SLC26A8: variants seen among roughly 807,000 people sequenced by gnomAD.
SLC26A8 encodes solute carrier family 26 member 8.
A neutral mutation model predicts 105.0 loss-of-function variants in SLC26A8; 70 were observed. That is an observed-to-expected ratio of 0.67 (90% CI 0.55 to 0.81). The LOEUF (loss-of-function observed/expected upper bound fraction) is 0.81, where lower values mean the gene tolerates loss of function less well. Among genes scored for constraint, SLC26A8 ranks in the 40% least tolerant of loss-of-function variants. SLC26A8 has a pLI of 0.00. For synonymous variants in SLC26A8, 415 were observed against 438.3 expected, an observed-to-expected ratio of 0.95 and a Z score of 0.66; for missense variants, 998 against 1,181.8, an observed-to-expected ratio of 0.84 and a Z score of 2.28.
chr6:35,992,813 C>G (rs1463819159), intron 5 of SLC26A8, 139 bp from the exon 6 acceptor site: 3 of 832,038 alleles, frequency 3.6e-6, no homozygotes, highest in East Asian at 2.7e-5. Context: ...ACTCTCTTTC[C>G]CTAATGAACA....
intron 1 of SLC26A8, among the ~76,000 whole-genome samples, chr6:36,022,249 G>A (rs1762145285): frequency 6.6e-6 from 1 of 152,244 alleles, no homozygotes; most frequent in African/African-American, 2.4e-5. Context: ...TTACAGGCGT[G>A]AGCCACTGCG....
At chr6:35,948,386 C>T (rs1308059651) in intron 19 of SLC26A8, among the ~76,000 whole-genome samples, 1 of 151,938 alleles carries the variant, frequency 6.6e-6, no homozygotes, top group Non-Finnish European at 1.5e-5. Context: ...GTCAGGAGTT[C>T]GAGACCAGCC....
intron 1 of SLC26A8, among the ~76,000 whole-genome samples, chr6:36,021,000 C>T (rs1049326089): frequency 1.1e-4 from 16 of 152,290 alleles, no homozygotes; most frequent in South Asian, 2.1e-4. Context: ...GATTTCTTCA[C>T]GAGTTATGTC....
intron 14 of SLC26A8, 47 bp downstream of exon 14, chr6:35,960,796 C>T (rs779783686): frequency 5.7e-6 from 9 of 1,575,852 alleles, no homozygotes; most frequent in Non-Finnish European, 7.8e-6. Context: ...GAGGTGGGGC[C>T]CACTCTATCC....
rs754263412 is a variant in SLC26A8, at chr6:36,019,646, A to T, written c.62T>A (p.Phe21Tyr). ...GFSSKSRRNS[F>Y]AYDVKREVYN... ...TACTTCACGCTTAACATCATATGCG[A>T]ATGAGTTTCGCCTGGACTTAGAGCT... Residue 21 changes from phenylalanine (F) to tyrosine (Y), a missense_variant, in exon 2 of 20, where the codon TTC (phenylalanine) becomes TAC (tyrosine). By Grantham distance (22) the Phe-to-Tyr change is conservative. Coordinates refer to ENST00000490799, the MANE Select transcript of SLC26A8 (RefSeq NM_052961.4). The T allele has an allele frequency of 6.8e-6, 11 of 1,614,172 alleles. No individual in the cohort carries two copies. In the South Asian group the frequency reaches 1.2e-4, roughly 18 times the overall value.
intron 19 of SLC26A8, 96 bp downstream of exon 19, chr6:35,951,067 A>T: frequency 8.2e-7 from 1 of 1,219,802 alleles, no homozygotes; most frequent in East Asian, 2.4e-5. Context: ...CTATCTGATC[A>T]GGAATCCTGA....
At chr6:36,004,890 T>C (rs1761642724) in intron 3 of SLC26A8, among the ~76,000 whole-genome samples, 1 of 149,912 alleles carries the variant, frequency 6.7e-6, no homozygotes, top group African/African-American at 2.5e-5. Flanking sequence ...GGTCTTGAAC[T>C]CCTGAGCTCA....
At chr6:35,976,299 C>T (rs1459579922) in intron 9 of SLC26A8, among the ~76,000 whole-genome samples, 1 of 151,704 alleles carries the variant, frequency 6.6e-6, no homozygotes, top group African/African-American at 2.4e-5. Flanking sequence ...TGGTGAGCAT[C>T]TGTAATCCCA....
At chr6:36,007,417 G>A (rs1761721730) in intron 3 of SLC26A8, among the ~76,000 whole-genome samples, 1 of 152,102 alleles carries the variant, frequency 6.6e-6, no homozygotes, top group Non-Finnish European at 1.5e-5. Flanking sequence ...TCTCTATGCT[G>A]AAAACTACAA....
rs1773255255 is a variant in SLC26A8 at position 35,981,268 on chromosome 6, G to A, written c.1025+853C>T. ...GTAGGAATTATAATGTAAATTGATT[G>A]TGAGTCCTTAAGAACTCCATATGCC... On this transcript the variant is annotated intron_variant, in intron 8 of 19. Transcript: ENST00000490799. The surrounding 1 kb of genome is among the most constrained non-coding windows in gnomAD (Gnocchi z 4.0). 6.6e-6 allele frequency among the ~76,000 whole-genome samples: 1 copy of A among 152,134 alleles called. No individual in the cohort carries two copies. The highest frequency in any genetic ancestry group is 1.5e-5 in the Non-Finnish European group (1 of 68,026).
intron 8 of SLC26A8, among the ~76,000 whole-genome samples, chr6:35,978,654 G>T (rs904824387): frequency 2.6e-5 from 4 of 151,962 alleles, no homozygotes; most frequent in Non-Finnish European, 5.9e-5. Context: ...TATCTTAAAA[G>T]AAATTTTGTG....
At chr6:36,012,518 C>T in intron 2 of SLC26A8, 146 bp from the exon 3 acceptor site, 1 of 910,342 alleles carries the variant, frequency 1.1e-6, no homozygotes, top group East Asian at 2.8e-5. Context: ...CCAGATAATT[C>T]TTTGTTGTTG....
intron 2 of SLC26A8, among the ~76,000 whole-genome samples, chr6:36,016,152 C>T (rs1406747331): frequency 6.6e-6 from 1 of 152,020 alleles, no homozygotes; most frequent in East Asian, 1.9e-4. Flanking sequence ...CGCCACCAAG[C>T]CCAGCTAATT....
At chr6:35,994,111 C>CTTTTTTTTTTTTTTTTTTTTTT (rs759838239) in intron 5 of SLC26A8, among the ~76,000 whole-genome samples, 2 of 118,512 alleles carry the variant, frequency 1.7e-5, no homozygotes. Context: ...CTTTTTTTTT[C>CTTTTTTTTTTTTTTTTTTTTTT]TTTTCTTTTT....
At chr6:35,991,139 G>A (rs753019655) in intron 7 of SLC26A8, among the ~76,000 whole-genome samples, 165 of 152,086 alleles carry the variant, frequency 1.1e-3, no homozygotes, top group African/African-American at 3.8e-3. Flanking sequence ...GGTGGCTCAC[G>A]CCTGTAATCC....
chr6:35,956,889 A>T (rs1772089598), intron 16 of SLC26A8, among the ~76,000 whole-genome samples: 1 of 151,250 alleles, frequency 6.6e-6, no homozygotes, highest in East Asian at 1.9e-4. Flanking sequence ...ATTGCACTCC[A>T]GCCTGGGCAA....
intron 2 of SLC26A8, among the ~76,000 whole-genome samples, chr6:36,015,691 C>T (rs969105789): frequency 2.0e-5 from 3 of 152,174 alleles, no homozygotes; most frequent in Admixed American, 6.5e-5. Flanking sequence ...CAAATACCCT[C>T]TTTGGCACAT....
intron 1 of SLC26A8, among the ~76,000 whole-genome samples, chr6:36,021,620 C>T (rs910603960): frequency 6.6e-6 from 1 of 152,098 alleles, no homozygotes; most frequent in African/African-American, 2.4e-5. Flanking sequence ...CTGCTTAGCT[C>T]TAGCCATTTT....
At chr6:35,963,154 T>C (rs1250820449) in intron 11 of SLC26A8, among the ~76,000 whole-genome samples, 1 of 152,068 alleles carries the variant, frequency 6.6e-6, no homozygotes, top group Non-Finnish European at 1.5e-5. Context: ...AATCACCTCC[T>C]TACCATTGAG....
Sources: allele counts gnomAD v4.1 joint callset (sites outside exome capture counted in the v4.1 genomes callset), GRCh38; gene constraint gnomAD v4.1.1; non-coding constraint Gnocchi (gnomAD v3.1); transcripts MANE v1.5; gene names NCBI Gene and HGNC (gene_info 2026-07-23, HGNC 2026-07-21).